LAMC1: variants seen among roughly 807,000 people sequenced by gnomAD.
The protein encoded by LAMC1 is laminin subunit gamma-1.
LAMC1 carries 38 observed loss-of-function variants against 173.6 expected under a neutral mutation model. The observed-to-expected ratio is 0.22, with a 90% CI of 0.17 to 0.29. The LOEUF (loss-of-function observed/expected upper bound fraction) is 0.29. LAMC1 is among the 10% of genes least tolerant of loss of function. The pLI is 1.00. For missense variants in LAMC1, 1,824 were observed against 2,051.8 expected, an observed-to-expected ratio of 0.89 and a Z score of 2.14; for synonymous variants, 746 against 749.1, an observed-to-expected ratio of 1.00 and a Z score of 0.07.
rs556967558 is a variant in LAMC1, at chr1:183,099,601, G to A, written c.419-3727G>A. 1.8e-4 allele frequency among the ~76,000 whole-genome samples: 28 copies of A among 151,980 alleles called. 1 individual carries two copies. The South Asian group carries it at 5.6e-3, about 31-fold the overall frequency. On this transcript the variant is annotated intron_variant, in intron 1 of 27. Coordinates refer to ENST00000258341, the MANE Select transcript of LAMC1 (RefSeq NM_002293.4). ...TCTTTTACTTGCCTTCCTCCCTCTGGCTGCCCCCTCATAGCCTCCTCTGTC... is the reference window on the plus strand; with the variant it reads ...TCTTTTACTTGCCTTCCTCCCTCTGACTGCCCCCTCATAGCCTCCTCTGTC...
intron 1 of LAMC1, among the ~76,000 whole-genome samples, chr1:183,026,917 T>C (rs6664056): frequency 0.043 from 6,623 of 152,298 alleles, 456 homozygotes; most frequent in African/African-American, 0.15. Context: ...TCTTTATCAC[T>C]AGCTGCTAAG....
At chr1:183,075,274 G>A (rs1021684388) in intron 1 of LAMC1, among the ~76,000 whole-genome samples, 1 of 151,896 alleles carries the variant, frequency 6.6e-6, no homozygotes, top group Admixed American at 6.6e-5. Context: ...GCTGGTGTGC[G>A]CCACCACACT....
chr1:183,057,121 A>G (rs1384173187), intron 1 of LAMC1, among the ~76,000 whole-genome samples: 1 of 152,232 alleles, frequency 6.6e-6, no homozygotes, highest in Admixed American at 6.5e-5. Flanking sequence ...GAGATTCTTG[A>G]GCTTTCTAAA....
In LAMC1 at chr1:183,124,624, T is replaced by A. The variant is rs753226656; in HGVS notation, c.2402-7T>A. ...TCTTTCATAACATCAGATTGTCTCATCCCCAGGTAAGAGATGTGAGCTCTG... is the reference window on the plus strand; with the variant it reads ...TCTTTCATAACATCAGATTGTCTCAACCCCAGGTAAGAGATGTGAGCTCTG... On this transcript the variant is annotated splice_polypyrimidine_tract_variant and splice_region_variant and intron_variant, in intron 13 of 27. Transcript: ENST00000258341. The A allele has an allele frequency of 6.2e-7, 1 of 1,614,118 alleles. No individual in the cohort carries two copies. Among genetic ancestry groups the A allele is most frequent in the Admixed American group, 1.7e-5 (1 of 60,022 alleles).
chr1:183,115,511 A>G lies in LAMC1; in HGVS notation c.1211-9A>G. 1 of 1,597,018 alleles carries G rather than the reference A, an allele frequency of 6.3e-7. No individual in the cohort carries two copies. Among genetic ancestry groups the G allele is most frequent in the East Asian group, 2.2e-5 (1 of 44,758 alleles). ...ATTTTTGTTTGACAATAGGCATTTT[A>G]CATTTTAGGCTCTCTAAGCACACAG... On this transcript the variant is annotated splice_polypyrimidine_tract_variant and intron_variant, in intron 5 of 27. Coordinates refer to ENST00000258341, the MANE Select transcript of LAMC1 (RefSeq NM_002293.4).
Position 183,052,144 on chromosome 1 carries a change from A to G in LAMC1, c.418+28010A>G, listed in dbSNP as rs1198729585. ...CACTGCGTATCCAAGAGTAACCATC[A>G]CTTCTGCTTCCCCTGTTTTGTTGCA... On this transcript the variant is annotated intron_variant, in intron 1 of 27. Transcript: ENST00000258341. Among the ~76,000 whole-genome samples, 4 of 152,012 alleles carry G rather than the reference A, an allele frequency of 2.6e-5. 1 individual carries two copies. In the South Asian group the frequency reaches 8.3e-4, roughly 32 times the overall value.
intron 8 of LAMC1, 83 bp downstream of exon 8, chr1:183,116,986 T>G: frequency 7.3e-7 from 1 of 1,375,128 alleles, no homozygotes; most frequent in Non-Finnish European, 1.0e-6. Flanking sequence ...AGTGACTCTT[T>G]GAGGGCTTTT....
At chr1:183,101,714 T>A (rs2102068197) in intron 1 of LAMC1, among the ~76,000 whole-genome samples, 1 of 152,018 alleles carries the variant, frequency 6.6e-6, no homozygotes, top group Non-Finnish European at 1.5e-5. Context: ...AATCATATGG[T>A]TAGTAAAGGA....
At chr1:183,113,757 T>G (rs1656234952) in intron 4 of LAMC1, among the ~76,000 whole-genome samples, 1 of 152,190 alleles carries the variant, frequency 6.6e-6, no homozygotes, top group Non-Finnish European at 1.5e-5. Flanking sequence ...TCTGGCACTT[T>G]GGAAGTTAGT....
chr1:183,080,982 G>A (rs908680002), intron 1 of LAMC1, among the ~76,000 whole-genome samples: 1 of 152,056 alleles, frequency 6.6e-6, no homozygotes, highest in Non-Finnish European at 1.5e-5. Flanking sequence ...CCCATCTTCT[G>A]GTTTCAAACG....
chr1:183,116,869 C>T lies in LAMC1; in HGVS notation c.1530C>T (p.Tyr510=). The change falls in exon 8 of 28, where the codon TAC becomes TAT. Residue 510 remains tyrosine (Y), a synonymous_variant. Coordinates refer to ENST00000258341, the MANE Select transcript of LAMC1 (RefSeq NM_002293.4). ...HSSVCTNAVG[Y]SVYSISSTFQ... ...CTGTCTGTACAAACGCTGTTGGCTA[C>T]AGTGTTTATTCTATCTCCTCTACCT... is the stretch of plus-strand genomic sequence containing the variant. 1 of 1,614,090 alleles carries T rather than the reference C, an allele frequency of 6.2e-7. No individual in the cohort carries two copies. The highest frequency in any genetic ancestry group is 2.2e-5 in the East Asian group (1 of 44,874).
At chr1:183,104,219 A>C (rs2102070153) in intron 2 of LAMC1, among the ~76,000 whole-genome samples, 1 of 152,364 alleles carries the variant, frequency 6.6e-6, no homozygotes, top group Non-Finnish European at 1.5e-5. Flanking sequence ...TGTTAGTAAC[A>C]GGATATTAAT....
chr1:183,118,019 T>A lies in LAMC1; in HGVS notation c.1878-15T>A. 6.6e-7 allele frequency: 1 copy of A among 1,521,688 alleles called. No individual in the cohort carries two copies. Among genetic ancestry groups the A allele is most frequent in the Non-Finnish European group, 9.1e-7 (1 of 1,100,402 alleles). The allele number at this position is 1,521,688 out of a possible 1,614,324, so 94.3% of individuals were successfully genotyped here. A position where few individuals can be genotyped will look rare whatever the true frequency, so the allele number is the denominator to read the frequency against. On this transcript the variant is annotated splice_polypyrimidine_tract_variant and intron_variant, in intron 10 of 27. Transcript: ENST00000258341. ...GTCCTTACAGAGGTTAATGTGGCCCTTTCTTTCTCTCCAGGCTCCATGAAG... is the reference window on the plus strand; with the variant it reads ...GTCCTTACAGAGGTTAATGTGGCCCATTCTTTCTCTCCAGGCTCCATGAAG...
chr1:183,029,878 G>GT (rs1194559535), intron 1 of LAMC1, among the ~76,000 whole-genome samples: 1 of 152,194 alleles, frequency 6.6e-6, no homozygotes, highest in Non-Finnish European at 1.5e-5. Context: ...TCCTGGATGT[G>GT]TAGTGATTCA....
At chr1:183,094,362 C>A (rs1344084163) in intron 1 of LAMC1, among the ~76,000 whole-genome samples, 2 of 152,236 alleles carry the variant, frequency 1.3e-5, no homozygotes. Flanking sequence ...AGGCTCCCCA[C>A]AAACTTTCTA....
chr1:183,071,746 A>G (rs1655017478), intron 1 of LAMC1, among the ~76,000 whole-genome samples: 1 of 152,176 alleles, frequency 6.6e-6, no homozygotes, highest in African/African-American at 2.4e-5. Context: ...ACTGCCTAAC[A>G]TGACCCTCAA....
chr1:183,077,589 T>C (rs1435857705), intron 1 of LAMC1, among the ~76,000 whole-genome samples: 1 of 151,870 alleles, frequency 6.6e-6, no homozygotes, highest in Non-Finnish European at 1.5e-5. Context: ...CAAAGTCTAT[T>C]GTATCTTTCT....
At chr1:183,077,307 T>G (rs764196971) in intron 1 of LAMC1, among the ~76,000 whole-genome samples, 2 of 152,222 alleles carry the variant, frequency 1.3e-5, no homozygotes, top group Non-Finnish European at 2.9e-5. Context: ...GGAAGACTAA[T>G]GATAGCAGAC....
intron 14 of LAMC1, chr1:183,125,145 G>A: frequency 1.7e-6 from 1 of 589,238 alleles, no homozygotes; most frequent in South Asian, 2.2e-5. Context: ...ATTTCAATAA[G>A]TAATCAATAA....
Sources: gnomAD v4.1 joint callset for allele counts (sites outside exome capture counted in the v4.1 genomes callset) on GRCh38, gnomAD v4.1.1 for gene constraint, MANE v1.5 for transcripts, NCBI Gene and HGNC (gene_info 2026-07-23, HGNC 2026-07-21) for gene names.